PGAP6: variants seen among roughly 807,000 people sequenced by gnomAD.
PGAP6 encodes the protein post-GPI attachment to proteins factor 6.
Under a neutral mutation model 68.4 loss-of-function variants are expected in PGAP6, and 62 were observed. That is an observed-to-expected ratio of 0.91 (90% CI 0.74 to 1.12). The LOEUF (loss-of-function observed/expected upper bound fraction) is 1.12, where lower values mean the gene tolerates loss of function less well. Ranked by LOEUF, PGAP6 falls within the 50% of genes most tolerant of loss-of-function variation. PGAP6 has a pLI of 0.00. For synonymous variants in PGAP6, 575 were observed against 474.0 expected (o/e 1.21, Z -2.77); for missense variants, 1,188 against 1,068.5 (o/e 1.11, Z -1.56).
At position 381,678 on chromosome 16, in the gene PGAP6, T is replaced by A. The variant is rs931995575; in HGVS notation, c.121+23A>T. On this transcript the variant is annotated intron_variant, in intron 1 of 12. Transcript: ENST00000431232. ...CGCAGCCCCGGCCCCACGCCCCCGA[T>A]GGCGCCCGCGCCTCCCGCTCACCGC... 5.1e-6 allele frequency: 6 copies of A among 1,184,472 alleles called. No individual in the cohort carries two copies. In the African/African-American group the frequency reaches 9.7e-5, roughly 19 times the overall value. The allele number at this position is 1,184,472 out of a possible 1,614,324, so 73.4% of individuals were successfully genotyped here. A position where few individuals can be genotyped will look rare whatever the true frequency, so the allele number is the denominator to read the frequency against.
intron 8 of PGAP6, 87 bp downstream of exon 8, chr16:375,046 C>A (rs541020642): frequency 3.2e-6 from 5 of 1,581,930 alleles, no homozygotes; most frequent in African/African-American, 1.3e-5. Flanking sequence ...TGGGTCACTC[C>A]GAACGCCAAC....
At chr16:374,478 G>A in intron 9 of PGAP6, 79 bp from the exon 10 acceptor site, 1 of 1,412,658 alleles carries the variant, frequency 7.1e-7, no homozygotes, top group Non-Finnish European at 9.3e-7. Context: ...GGACCCTGCA[G>A]AGAAGCCCCT....
Position 373,950 on chromosome 16 carries a change from G to C in PGAP6, c.1902+55C>G, listed in dbSNP as rs2054356310. 37 of 1,531,916 alleles carry C rather than the reference G, an allele frequency of 2.4e-5. No homozygotes were observed. The South Asian group carries it at 4.4e-4, about 18-fold the overall frequency. 94.9% of individuals were successfully genotyped at this position (1,531,916 alleles called of 1,614,324 possible). A position where few individuals can be genotyped will look rare whatever the true frequency, so the allele number is the denominator to read the frequency against. The stretch of plus-strand genomic sequence containing the variant: ...CCCACGGTACTGCCTTTCGCAGGCT[G>C]CACTTGGGGGCCCTGCTCCCCCGGA... On this transcript the variant is annotated intron_variant, in intron 11 of 12. Transcript: ENST00000431232.
upstream of PGAP6, chr16:386,762 G>T: frequency 5.1e-6 from 2 of 393,368 alleles, no homozygotes; most frequent in Non-Finnish European, 9.5e-6. Context: ...CTTTTCACAA[G>T]ATGGCGCTGA....
upstream of PGAP6, chr16:382,352 C>G: frequency 2.6e-6 from 1 of 385,658 alleles, no homozygotes; most frequent in Non-Finnish European, 4.6e-6. Context: ...GCAGAGGCGC[C>G]GACCTCCGCC....
chr16:380,795 C>CAGGGG (rs72112703), intron 1 of PGAP6, among the ~76,000 whole-genome samples: 1 of 121,630 alleles, frequency 8.2e-6, no homozygotes, highest in Non-Finnish European at 1.7e-5. Context: ...ATTTCAGGGG[C>CAGGGG]AGGGGAGGGG....
chr16:385,128 T>A (rs1014190986), upstream of PGAP6, among the ~76,000 whole-genome samples: 5 of 147,880 alleles, frequency 3.4e-5, no homozygotes, highest in East Asian at 1.0e-3. Flanking sequence ...ATCAGGCCAC[T>A]GCACTCCAGC....
chr16:374,647 A>G lies in PGAP6; in HGVS notation c.1576+109T>C, dbSNP rs2054364666. 3.4e-6 allele frequency: 5 copies of G among 1,458,820 alleles called. No homozygotes were observed. In the South Asian group the frequency reaches 5.4e-5, roughly 16 times the overall value. The allele number at this position is 1,458,820 out of a possible 1,614,324, so 90.4% of individuals were successfully genotyped here. On this transcript the variant is annotated intron_variant, in intron 9 of 12. Transcript: ENST00000431232. ...AGGCTTTGCCCCTGCATTGCTCTGC[A>G]AGGGTCTCTCTCCAGCCCCTTGCGG...
At chr16:377,346 C>T in intron 3 of PGAP6, 32 bp downstream of exon 3, 1 of 1,561,068 alleles carries the variant, frequency 6.4e-7, no homozygotes, top group East Asian at 2.3e-5. Context: ...GCAAGGTTCT[C>T]TGCCTCCATC....
At chr16:386,727 A>AAAAAAAAAAAAAAAAAC, upstream of PGAP6, 1 of 40,286 alleles carries the variant, frequency 2.5e-5, no homozygotes, top group Non-Finnish European at 3.9e-5. Context: ...AAAAAAAACC[A>AAAAAAAAAAAAAAAAAC]AAAAAAAAAA....
At position 373,917 on chromosome 16, in the gene PGAP6, C is replaced by T. The variant is rs534241848; in HGVS notation, c.1902+88G>A. ...CAGGGGCCGTGCCCAACGCCAGGTC[C>T]GGCCTCTCCCACGGTACTGCCTTTC... On this transcript the variant is annotated intron_variant, in intron 11 of 12. Coordinates refer to ENST00000431232, the MANE Select transcript of PGAP6 (RefSeq NM_021259.3). 127 of 1,444,834 alleles carry T rather than the reference C, an allele frequency of 8.8e-5. No individual in the cohort carries two copies. The African/African-American group carries it at 1.1e-3, about 12-fold the overall frequency. The allele number at this position is 1,444,834 out of a possible 1,614,324, so 89.5% of individuals were successfully genotyped here. A position where few individuals can be genotyped will look rare whatever the true frequency, so the allele number is the denominator to read the frequency against.
intron 7 of PGAP6, 36 bp from the exon 8 acceptor site, chr16:375,292 C>T (rs534871266): frequency 7.4e-6 from 12 of 1,612,562 alleles, no homozygotes; most frequent in East Asian, 4.5e-5. Context: ...CAGAGGAGGC[C>T]GGGGCGGGGG....
Position 377,689 on chromosome 16 carries a change from G to A in PGAP6, c.281C>T (p.Thr94Ile), listed in dbSNP as rs1216408781. 1.9e-6 allele frequency: 3 copies of A among 1,589,582 alleles called. No homozygotes were observed. Among genetic ancestry groups the A allele is most frequent in the South Asian group, 2.3e-5 (2 of 87,794 alleles). Reference protein sequence around the residue: ...QVSRESGAACTDAEITVHFRS... With the variant: ...QVSRESGAACIDAEITVHFRS... ...CACCTACACGGTGATCTCCGCGTCG[G>A]TGCAGGCAGCGCCGCTCTCCCGGGA... Residue 94 changes from threonine to isoleucine, a missense_variant, in exon 2 of 13, where the codon ACC becomes ATC. Physicochemically the swap from Thr to Ile is moderately conservative, Grantham distance 89. Coordinates refer to ENST00000431232, the MANE Select transcript of PGAP6 (RefSeq NM_021259.3).
upstream of PGAP6, chr16:382,540 G>A: frequency 3.0e-6 from 1 of 330,124 alleles, no homozygotes; most frequent in Non-Finnish European, 5.5e-6. Flanking sequence ...AGGGACTGTA[G>A]TACCCGATCG....
At chr16:385,576 G>A (rs2054477175), upstream of PGAP6, among the ~76,000 whole-genome samples, 1 of 146,320 alleles carries the variant, frequency 6.8e-6, no homozygotes, top group Non-Finnish European at 1.5e-5. Context: ...CTCCCAAAAT[G>A]CTGGGATTAC....
chr16:385,117 G>A (rs1408546682), upstream of PGAP6, among the ~76,000 whole-genome samples: 1 of 148,846 alleles, frequency 6.7e-6, no homozygotes, highest in East Asian at 2.1e-4. Context: ...AGTGAGCAGG[G>A]ATCAGGCCAC....
upstream of PGAP6, chr16:383,210 AAAATT>A (rs1256333976): frequency 1.2e-4 from 19 of 152,280 alleles, no homozygotes; most frequent in Admixed American, 1.1e-3. Flanking sequence ...AAAAAAAAAA[AAAATT>A]AAAGGAAAAC....
upstream of PGAP6, among the ~76,000 whole-genome samples, chr16:384,585 G>T (rs750082645): frequency 6.8e-4 from 104 of 152,320 alleles, no homozygotes; most frequent in Admixed American, 1.8e-3. Flanking sequence ...GCCGGGCGCG[G>T]TGTCTCACGC....
chr16:382,306 G>T (rs1456967121), upstream of PGAP6: 1 of 390,994 alleles, frequency 2.6e-6, no homozygotes, highest in Non-Finnish European at 4.5e-6. Context: ...CCGCTCGGCC[G>T]GGACCTCCGT....
Sources: allele counts gnomAD v4.1 joint callset (sites outside exome capture counted in the v4.1 genomes callset), GRCh38; gene constraint gnomAD v4.1.1; transcripts MANE v1.5; gene names NCBI Gene and HGNC (gene_info 2026-07-23, HGNC 2026-07-21).